The following FUOM variants were observed in gnomAD, a reference collection of about 807,000 sequenced individuals.
FUOM encodes the protein fucose mutarotase.
A neutral mutation model predicts 18.3 loss-of-function variants in FUOM; 19 were observed. The ratio of observed to expected loss-of-function variants is 1.04; its 90% confidence interval spans 0.73 to 1.53. The LOEUF (loss-of-function observed/expected upper bound fraction) is 1.53, where lower values mean the gene tolerates loss of function less well. FUOM is among the 40% of genes most tolerant of loss of function. FUOM has a pLI of 0.00. For synonymous variants in FUOM, 102 were observed against 87.9 expected (o/e 1.16, Z -0.90); for missense variants, 210 against 200.9 (o/e 1.04, Z -0.27).
chr10:133,357,073 A>T, intron 2 of FUOM, 60 bp from the exon 3 acceptor site: 2 of 1,539,390 alleles, frequency 1.3e-6, no homozygotes, highest in Non-Finnish European at 1.8e-6. Context: ...GCCTGTCTGC[A>T]CCCTTCACAC....
At chr10:133,357,818 C>T in intron 1 of FUOM, 105 bp downstream of exon 1, 2 of 882,910 alleles carry the variant, frequency 2.3e-6, no homozygotes, top group Non-Finnish European at 3.3e-6. Flanking sequence ...CGAGCAACGC[C>T]CACACCCCAG....
rs1254612030 is a variant in FUOM, at chr10:133,355,374, A to G, written c.461T>C (p.Leu154Pro). Residue 154 changes from leucine (L) to proline (P), a missense_variant, in exon 6 of 6, where the codon CTG becomes CCG. By Grantham distance (98) the Leu-to-Pro change is moderately conservative. Transcript: ENST00000278025. ...RKGVLALNPL[L>P] Reference sequence around the variant, plus strand: ...CCCAGGTGGTCTTCACCAGGCCTACAGCAGGGGGTTGAGGGCAAGCACCCC... The same window carrying G: ...CCCAGGTGGTCTTCACCAGGCCTACGGCAGGGGGTTGAGGGCAAGCACCCC... 1.2e-6 allele frequency: 2 copies of G among 1,604,786 alleles called. No individual in the cohort carries two copies. Among genetic ancestry groups the G allele is most frequent in the Non-Finnish European group, 1.7e-6 (2 of 1,177,942 alleles).
At chr10:133,355,142 G>A (rs1010268445), downstream of FUOM, 3 of 593,116 alleles carry the variant, frequency 5.1e-6, no homozygotes, top group Admixed American at 9.0e-5. Context: ...AAGCCTGCGT[G>A]AGAACAGAGC....
At chr10:133,355,657 C>G in intron 5 of FUOM, 81 bp downstream of exon 5, 1 of 1,550,614 alleles carries the variant, frequency 6.4e-7, no homozygotes, top group Admixed American at 1.7e-5. Flanking sequence ...AGGGGCAGCT[C>G]CTGAGGCCCC....
rs949880689 is a variant in FUOM, at chr10:133,356,799, A to G, written c.226-61T>C. 2.1e-6 allele frequency: 3 copies of G among 1,461,286 alleles called. No individual in the cohort carries two copies. The Admixed American group carries it at 6.6e-5, about 32-fold the overall frequency. 90.5% of individuals were successfully genotyped at this position (1,461,286 alleles called of 1,614,324 possible). On this transcript the variant is annotated intron_variant, in intron 3 of 5. Coordinates refer to ENST00000278025, the MANE Select transcript of FUOM (RefSeq NM_001098483.3). Reference sequence around the variant, plus strand: ...TGCCAGCCTTCCTGGTCAGGTGACCATTCGGGACTCCCCTGGTGAGGGTCA... The same window carrying G: ...TGCCAGCCTTCCTGGTCAGGTGACCGTTCGGGACTCCCCTGGTGAGGGTCA...
chr10:133,357,911 C>T lies in FUOM; in HGVS notation c.85+12G>A, dbSNP rs1487787917. On this transcript the variant is annotated intron_variant, in intron 1 of 5. Coordinates refer to ENST00000278025, the MANE Select transcript of FUOM (RefSeq NM_001098483.3). ...CGGGGTGCTCCCCGAGGCCCCGGCCCGCTGCGCTCACCGATCTCGTCCCCG... is the reference window on the plus strand; with the variant it reads ...CGGGGTGCTCCCCGAGGCCCCGGCCTGCTGCGCTCACCGATCTCGTCCCCG... 1.3e-6 allele frequency: 2 copies of T among 1,520,972 alleles called. No individual in the cohort carries two copies. Among genetic ancestry groups the T allele is most frequent in the Non-Finnish European group, 1.8e-6 (2 of 1,138,516 alleles). 94.2% of individuals were successfully genotyped at this position (1,520,972 alleles called of 1,614,324 possible). A position where few individuals can be genotyped will look rare whatever the true frequency, so the allele number is the denominator to read the frequency against.
rs1313048392 is a variant in FUOM, at chr10:133,355,269, C to T, written c.*101G>A. 1 of 1,382,748 alleles carries T rather than the reference C, an allele frequency of 7.2e-7. No individual in the cohort carries two copies. Among genetic ancestry groups the T allele is most frequent in the East Asian group, 2.5e-5 (1 of 39,982 alleles). 85.7% of individuals were successfully genotyped at this position (1,382,748 alleles called of 1,614,324 possible). On this transcript the variant is annotated 3_prime_UTR_variant, in exon 6 of 6. Coordinates refer to ENST00000278025, the MANE Select transcript of FUOM (RefSeq NM_001098483.3). The stretch of plus-strand genomic sequence containing the variant: ...CGGCCCCTAGAGCCCTGGCCAGGGC[C>T]CAGGTCTGGGAGCTGCCACTGGGAG...
downstream of FUOM, among the ~76,000 whole-genome samples, chr10:133,353,712 G>A (rs2133410110): frequency 6.6e-6 from 1 of 152,334 alleles, no homozygotes; most frequent in Non-Finnish European, 1.5e-5. Flanking sequence ...TTATGGATGA[G>A]CTGGAGAGGC....
In FUOM at chr10:133,355,776, A is replaced by T. The variant is rs1259251614; in HGVS notation, c.360T>A (p.Tyr120Ter). 2.5e-6 allele frequency: 4 copies of T among 1,613,154 alleles called. No homozygotes were observed. The East Asian group carries it at 8.9e-5, about 36-fold the overall frequency. Reference protein sequence around the residue: ...ALAKIERFEFYERAKKAFAVV... With the variant: ...ALAKIERFEF Reference sequence around the variant, plus strand: ...CAGCAAAAGCCTTCTTAGCCCGTTCATAAAACTCAAACCTCTCTATCTTTG... The same window carrying T: ...CAGCAAAAGCCTTCTTAGCCCGTTCTTAAAACTCAAACCTCTCTATCTTTG... Residue 120 changes from tyrosine to a stop codon, truncating the protein, a stop_gained, in exon 5 of 6, where the codon TAT (tyrosine) becomes TAA (stop). Coordinates refer to ENST00000278025, the MANE Select transcript of FUOM (RefSeq NM_001098483.3). LOFTEE classifies it high-confidence loss of function.
downstream of FUOM, among the ~76,000 whole-genome samples, chr10:133,353,316 A>G (rs1313000973): frequency 6.6e-6 from 1 of 152,156 alleles, no homozygotes; most frequent in East Asian, 1.9e-4. Context: ...CAGCAGGCCC[A>G]ATGCTGCAGC....
rs779830124 is a variant in FUOM at position 133,357,987 on chromosome 10, G to C, written c.21C>G (p.Val7=). Residue 7 remains valine, a synonymous_variant, in exon 1 of 6, where the codon GTC becomes GTG. Transcript: ENST00000278025. ...GCAGCTCGGGGGACAGCAGTGCGGG[G>C]ACACCCTTCAGCGCCACCATGGCCC... MVALKG[V]PALLSPELLY... 9.9e-6 allele frequency: 15 copies of C among 1,515,466 alleles called. No homozygotes were observed. The South Asian group carries it at 1.1e-4, about 11-fold the overall frequency. The allele number at this position is 1,515,466 out of a possible 1,614,324, so 93.9% of individuals were successfully genotyped here. A position where few individuals can be genotyped will look rare whatever the true frequency, so the allele number is the denominator to read the frequency against.
Position 133,355,783 on chromosome 10 carries a change from T to C in FUOM, c.353A>G (p.Glu118Gly). Residue 118 changes from glutamate to glycine, a missense_variant, in exon 5 of 6, where the codon GAG becomes GGG. Coordinates refer to ENST00000278025, the MANE Select transcript of FUOM (RefSeq NM_001098483.3). ...VRALAKIERF[E>G]FYERAKKAFA... ...AGCCTTCTTAGCCCGTTCATAAAAC[T>C]CAAACCTCTCTATCTTTGCCAGGGC... is the stretch of plus-strand genomic sequence containing the variant. The C allele has an allele frequency of 6.2e-7, 1 of 1,613,128 alleles. No homozygotes were observed. Among genetic ancestry groups the C allele is most frequent in the Non-Finnish European group, 8.5e-7 (1 of 1,179,960 alleles).
chr10:133,355,758 A>G lies in FUOM; in HGVS notation c.378T>C (p.Ala126=). ...RFEFYERAKK[A]FAVVATGETA... ...CTCACCCCGTTGCCACAACAGCAAA[A>G]GCCTTCTTAGCCCGTTCATAAAACT... Residue 126 remains alanine, a synonymous_variant, in exon 5 of 6, where the codon GCT becomes GCC. Transcript: ENST00000278025. The G allele has an allele frequency of 6.2e-7, 1 of 1,613,314 alleles. No individual in the cohort carries two copies. The highest frequency in any genetic ancestry group is 8.5e-7 in the Non-Finnish European group (1 of 1,179,986).
At chr10:133,355,895 A>C (rs1848779369) in intron 4 of FUOM, 84 bp from the exon 5 acceptor site, 1 of 1,127,184 alleles carries the variant, frequency 8.9e-7, no homozygotes, top group African/African-American at 1.5e-5. Flanking sequence ...GGCCCAAAGC[A>C]GGGAGGGCAC....
intron 1 of FUOM, 115 bp from the exon 2 acceptor site, chr10:133,357,370 T>C: frequency 9.3e-7 from 1 of 1,077,996 alleles, no homozygotes; most frequent in Non-Finnish European, 1.4e-6. Context: ...AGGTCTCAGG[T>C]CAGCCAGTTG....
At chr10:133,356,272 T>G (rs967430175) in intron 4 of FUOM, among the ~76,000 whole-genome samples, 4 of 152,070 alleles carry the variant, frequency 2.6e-5, no homozygotes, top group African/African-American at 9.7e-5. Flanking sequence ...ATAGCCAGGA[T>G]GGGGCGAGAG....
chr10:133,356,454 A>C (rs1488800941), intron 4 of FUOM, among the ~76,000 whole-genome samples, 186 bp downstream of exon 4: 1 of 152,212 alleles, frequency 6.6e-6, no homozygotes, highest in Non-Finnish European at 1.5e-5. Flanking sequence ...AAGAGGGGCC[A>C]CACTGCCCAG....
intron 4 of FUOM, 111 bp downstream of exon 4, chr10:133,356,528 TG>T: frequency 1.3e-6 from 1 of 745,346 alleles, no homozygotes; most frequent in Non-Finnish European, 2.0e-6. Flanking sequence ...GGGTGATGGG[TG>T]GGAGACCACT....
downstream of FUOM, among the ~76,000 whole-genome samples, chr10:133,354,153 T>A (rs1289206283): frequency 3.3e-5 from 5 of 152,126 alleles, no homozygotes; most frequent in Admixed American, 3.3e-4. Context: ...TGCAACCAGC[T>A]CGTACACCGC....
Sources: gnomAD v4.1 joint callset for allele counts (sites outside exome capture counted in the v4.1 genomes callset) on GRCh38, gnomAD v4.1.1 for gene constraint, MANE v1.5 for transcripts, NCBI Gene and HGNC (gene_info 2026-07-23, HGNC 2026-07-21) for gene names.